DLG5: variants seen among roughly 807,000 people sequenced by gnomAD.
The protein encoded by DLG5 is discs large MAGUK scaffold protein 5.
In DLG5, 48 loss-of-function variants were observed where a neutral mutation model predicts 189.8. That is an observed-to-expected ratio of 0.25 (90% CI 0.20 to 0.32). The LOEUF is 0.32. Among genes scored for constraint, DLG5 ranks in the 10% least tolerant of loss-of-function variants. The pLI is 1.00. For missense variants in DLG5, 2,160 were observed against 2,544.7 expected, an observed-to-expected ratio of 0.85 and a Z score of 3.25; for synonymous variants, 1,016 against 1,054.1, an observed-to-expected ratio of 0.96 and a Z score of 0.70.
At chr10:77,810,205 C>A (rs963259168) in intron 23 of DLG5, among the ~76,000 whole-genome samples, 10 of 152,240 alleles carry the variant, frequency 6.6e-5, no homozygotes, top group Admixed American at 3.3e-4. Context: ...AAGGCACTTA[C>A]AATCAAGGAA....
At chr10:77,928,886 G>C (rs1439247306), upstream of DLG5, 3 of 152,122 alleles carry the variant, frequency 2.0e-5, no homozygotes, top group Non-Finnish European at 4.4e-5. Context: ...AATTTAGCCA[G>C]GCATGATGGT....
At chr10:77,812,156 A>AG in intron 21 of DLG5, 59 bp downstream of exon 21, 1 of 1,596,674 alleles carries the variant, frequency 6.3e-7, no homozygotes, top group South Asian at 1.1e-5. Flanking sequence ...TAGGAGGAGG[A>AG]GAGGGGGAAG....
chr10:77,830,524 GCAGA>G (rs918893670), intron 10 of DLG5, among the ~76,000 whole-genome samples, 180 bp from the exon 11 acceptor site: 10 of 152,292 alleles, frequency 6.6e-5, no homozygotes, highest in African/African-American at 2.4e-4. Context: ...TCTGGCCACT[GCAGA>G]CAGACATCCC....
intron 17 of DLG5, among the ~76,000 whole-genome samples, chr10:77,819,001 G>A (rs1842199056): frequency 6.6e-6 from 1 of 152,228 alleles, no homozygotes; most frequent in African/African-American, 2.4e-5. Flanking sequence ...GACAGAAACA[G>A]TAATAGGACT....
chr10:77,835,956 T>A (rs377503801), intron 7 of DLG5, 34 bp from the exon 8 acceptor site: 1 of 1,588,366 alleles, frequency 6.3e-7, no homozygotes, highest in South Asian at 1.1e-5. Flanking sequence ...GAGGGAGAGG[T>A]TGCTGAGCCT....
At chr10:77,833,728 A>G (rs1232782162) in intron 9 of DLG5, among the ~76,000 whole-genome samples, 186 bp downstream of exon 9, 1 of 152,194 alleles carries the variant, frequency 6.6e-6, no homozygotes, top group Non-Finnish European at 1.5e-5. Context: ...CTACATGGAG[A>G]TGACATTCGA....
chr10:77,831,632 G>C (rs1224056307), intron 9 of DLG5, among the ~76,000 whole-genome samples: 1 of 152,170 alleles, frequency 6.6e-6, no homozygotes, highest in Non-Finnish European at 1.5e-5. Flanking sequence ...CTGTAGAACA[G>C]AATAAGGAAC....
chr10:77,835,947 A>G (rs754266746), intron 7 of DLG5, 25 bp from the exon 8 acceptor site: 2 of 1,595,594 alleles, frequency 1.3e-6, no homozygotes, highest in Admixed American at 3.4e-5. Context: ...GGGCAGGAAG[A>G]GGGAGAGGTT....
intron 27 of DLG5, among the ~76,000 whole-genome samples, chr10:77,805,118 T>C (rs528315879): frequency 1.3e-5 from 2 of 152,010 alleles, no homozygotes; most frequent in African/African-American, 2.4e-5. Context: ...TACAGGTGCA[T>C]GCCACCACAC....
chr10:77,811,924 C>T lies in DLG5; in HGVS notation c.4322G>A (p.Ser1441Asn), dbSNP rs376079907. The T allele has an allele frequency of 6.2e-7, 1 of 1,604,922 alleles. No individual in the cohort carries two copies. Residue 1441 changes from serine to asparagine, a missense_variant and splice_region_variant, in exon 22 of 32, where the codon AGC becomes AAC. Physicochemically the swap from Ser to Asn is conservative, Grantham distance 46 (BLOSUM62 1). Around this residue, in one of 5 missense-constraint regions of DLG5, gnomAD observed 574 missense variants for 644.2 expected, o/e 0.89. Coordinates refer to ENST00000372391, the MANE Select transcript of DLG5 (RefSeq NM_004747.4). ...ACGGCCCTGGGAGGCCCGCACTCACCTGGACCGGGAGTGGCTGCTGAGCTG... is the reference window on the plus strand; with the variant it reads ...ACGGCCCTGGGAGGCCCGCACTCACTTGGACCGGGAGTGGCTGCTGAGCTG... ...VHQLSSHSRS[S>N]SHLDPAGTHS...
chr10:77,795,692 C>T (rs781609527), intron 29 of DLG5, among the ~76,000 whole-genome samples: 3 of 152,060 alleles, frequency 2.0e-5, no homozygotes, highest in Non-Finnish European at 4.4e-5. Context: ...CGTTCCTGTC[C>T]CCAGAAGGTG....
At chr10:77,863,267 A>G (rs754319598) in intron 2 of DLG5, among the ~76,000 whole-genome samples, 1 of 151,674 alleles carries the variant, frequency 6.6e-6, no homozygotes, top group Non-Finnish European at 1.5e-5. Flanking sequence ...AATTATTATT[A>G]TTTTTATTTA....
intron 5 of DLG5, chr10:77,845,568 G>A (rs1344048645): frequency 6.6e-6 from 1 of 151,838 alleles, no homozygotes; most frequent in Admixed American, 6.6e-5. Context: ...TCTTAAAGAG[G>A]AAGTCAAGGA....
intron 1 of DLG5, among the ~76,000 whole-genome samples, chr10:77,900,190 ACAGAAG>A (rs941253261): frequency 6.6e-6 from 1 of 152,062 alleles, no homozygotes; most frequent in Non-Finnish European, 1.5e-5. Context: ...CAGCTCAGAA[ACAGAAG>A]CAGATTTGGA....
chr10:77,815,575 G>A lies in DLG5; in HGVS notation c.4025+976C>T, dbSNP rs11817595. Among the ~76,000 whole-genome samples the A allele has an allele frequency of 8.1e-4, 123 of 152,182 alleles. 1 individual carries two copies. Among genetic ancestry groups the A allele is most frequent in the African/African-American group, 2.6e-3 (108 of 41,508 alleles). On this transcript the variant is annotated intron_variant, in intron 20 of 31. Coordinates refer to ENST00000372391, the MANE Select transcript of DLG5 (RefSeq NM_004747.4). ...CTCAGGAGGCTGAGGCACAAGAATC[G>A]CCTTGAACTTGGGAGGCAGAGATTG...
chr10:77,879,399 T>C lies in DLG5; in HGVS notation c.305-10202A>G, dbSNP rs369477012. On this transcript the variant is annotated intron_variant, in intron 1 of 31. Transcript: ENST00000372391. ...GCCACACAGAGGATGCAGGGCTTTA[T>C]TCAGAGTGAGACGGGAAAACTCTGG... Among the ~76,000 whole-genome samples, 95 of 152,174 alleles carry C rather than the reference T, an allele frequency of 6.2e-4. No homozygotes were observed. The Middle Eastern group carries it at 0.024, about 38-fold the overall frequency.
At chr10:77,830,642 C>T in intron 10 of DLG5, 99 bp downstream of exon 10, 1 of 1,532,098 alleles carries the variant, frequency 6.5e-7, no homozygotes. Context: ...GGAGAACCTC[C>T]AAACTTGGAG....
intron 27 of DLG5, among the ~76,000 whole-genome samples, chr10:77,802,512 T>C (rs1017627564): frequency 6.6e-6 from 1 of 152,128 alleles, no homozygotes; most frequent in Non-Finnish European, 1.5e-5. Context: ...GCAATGGAAA[T>C]GTAAAAGGCA....
chr10:77,821,530 G>T lies in DLG5; in HGVS notation c.2954C>A (p.Pro985His). Residue 985 changes from proline (P) to histidine (H), a missense_variant, in exon 15 of 32, where the codon CCC (proline) becomes CAC (histidine). Around this residue, in one of 5 missense-constraint regions of DLG5, gnomAD observed 754 missense variants for 746.5 expected, o/e 1.01. Coordinates refer to ENST00000372391, the MANE Select transcript of DLG5 (RefSeq NM_004747.4). ...DPNTFKRPQT[P>H]PKIDYLLPGP... ...TGGAAGCAGGTAGTCTATTTTGGGGGGTGTCTGGGGGCGTTTGAAAGTGTT... is the reference window on the plus strand; with the variant it reads ...TGGAAGCAGGTAGTCTATTTTGGGGTGTGTCTGGGGGCGTTTGAAAGTGTT... The T allele has an allele frequency of 1.9e-6, 3 of 1,612,796 alleles. No individual in the cohort carries two copies. The highest frequency in any genetic ancestry group is 2.5e-6 in the Non-Finnish European group (3 of 1,179,998).
Sources: allele counts gnomAD v4.1 joint callset (sites outside exome capture counted in the v4.1 genomes callset), GRCh38; gene constraint gnomAD v4.1.1; regional missense constraint gnomAD v4.1.1; transcripts MANE v1.5; gene names NCBI Gene and HGNC (gene_info 2026-07-23, HGNC 2026-07-21).